The following STXBP5L variants were observed in gnomAD, a reference collection of about 807,000 sequenced individuals.
The protein encoded by STXBP5L is syntaxin binding protein 5L.
A neutral mutation model predicts 144.5 loss-of-function variants in STXBP5L; 65 were observed. The observed-to-expected ratio is 0.45, with a 90% CI of 0.37 to 0.55. The LOEUF is 0.55. Among genes scored for constraint, STXBP5L ranks in the 20% least tolerant of loss-of-function variants. The pLI is 0.00. For missense variants in STXBP5L, 1,298 were observed against 1,405.5 expected (o/e 0.92, Z 1.22); for synonymous variants, 505 against 469.6 (o/e 1.08, Z -0.97).
intron 24 of STXBP5L, among the ~76,000 whole-genome samples, chr3:121,415,459 AG>A (rs1334946616): frequency 1.3e-5 from 2 of 152,156 alleles, no homozygotes; most frequent in East Asian, 3.9e-4. Flanking sequence ...ATACCACCAA[AG>A]CTGTCCTATT....
chr3:121,303,027 A>G (rs536405204), intron 19 of STXBP5L, among the ~76,000 whole-genome samples: 2 of 152,374 alleles, frequency 1.3e-5, no homozygotes, highest in East Asian at 3.8e-4. Context: ...CAAAATTGAT[A>G]AATGGGATCT....
At chr3:120,909,303 G>GTA (rs1708702585) in intron 1 of STXBP5L, 4 of 343,288 alleles carry the variant, frequency 1.2e-5, no homozygotes, top group Non-Finnish European at 1.6e-5. Context: ...TTACAGCTGG[G>GTA]GATACAGTCC....
At chr3:121,041,538 A>G (rs533467316) in intron 3 of STXBP5L, among the ~76,000 whole-genome samples, 162 bp from the exon 4 acceptor site, 62 of 152,254 alleles carry the variant, frequency 4.1e-4, no homozygotes, top group Admixed American at 2.1e-3. Context: ...CATCTGAGGT[A>G]TACAATTTAA....
chr3:121,092,700 A>T (rs7646234), intron 5 of STXBP5L, among the ~76,000 whole-genome samples: 15,056 of 152,000 alleles, frequency 0.099, 1,160 homozygotes, highest in Admixed American at 0.2. Flanking sequence ...CTAGATACAC[A>T]ATCATGTCAT....
chr3:120,966,622 C>T (rs1939612154), intron 3 of STXBP5L, among the ~76,000 whole-genome samples: 1 of 152,168 alleles, frequency 6.6e-6, no homozygotes, highest in Non-Finnish European at 1.5e-5. Flanking sequence ...GGCTGCAGAA[C>T]AGCAAATATT....
intron 19 of STXBP5L, among the ~76,000 whole-genome samples, chr3:121,301,492 CAG>C (rs887446574): frequency 3.2e-4 from 49 of 152,314 alleles, no homozygotes; most frequent in Non-Finnish European, 6.9e-4. Flanking sequence ...CGTCTGCAAA[CAG>C]GGGCAATTTG....
At chr3:121,030,529 C>T (rs535645919) in intron 3 of STXBP5L, among the ~76,000 whole-genome samples, 93 of 151,992 alleles carry the variant, frequency 6.1e-4, no homozygotes, top group Middle Eastern at 3.4e-3. Flanking sequence ...GGGCATGTTG[C>T]GGGGTGTGGG....
In STXBP5L at chr3:121,355,170, G is replaced by T. The variant is rs148167393; in HGVS notation, c.2177-23546G>T. Among the ~76,000 whole-genome samples, 461 of 152,122 alleles carry T rather than the reference G, an allele frequency of 3.0e-3. 3 individuals are homozygous for T. Among genetic ancestry groups the T allele is most frequent in the African/African-American group, 0.01 (430 of 41,492 alleles). On this transcript the variant is annotated intron_variant, in intron 20 of 26. Transcript: ENST00000471454. ...GAATCTGACAATTATGTTCCTTGGG[G>T]TTGCTCTTCTCAAGGAGTATCTTTG...
intron 18 of STXBP5L, among the ~76,000 whole-genome samples, chr3:121,271,782 C>A (rs1375606052): frequency 6.6e-6 from 1 of 152,114 alleles, no homozygotes; most frequent in Non-Finnish European, 1.5e-5. Context: ...AAAGACATGT[C>A]TGAGATTGGG....
At chr3:121,051,253 A>T (rs1349198583) in intron 5 of STXBP5L, among the ~76,000 whole-genome samples, 2 of 152,046 alleles carry the variant, frequency 1.3e-5, no homozygotes, top group East Asian at 1.9e-4. Context: ...CATCTACAGA[A>T]CTCTCCACCC....
intron 3 of STXBP5L, among the ~76,000 whole-genome samples, chr3:121,034,522 CATCTATCT>C (rs527562574): frequency 5.9e-5 from 9 of 151,626 alleles, no homozygotes; most frequent in South Asian, 2.1e-4. Context: ...GTACCTATAT[CATCTATCT>C]ATCTATCTAT....
chr3:121,180,668 G>A lies in STXBP5L; in HGVS notation c.877+23041G>A, dbSNP rs551930563. Reference sequence around the variant, plus strand: ...GGCAGGTGGATCACTTGAGTTCAGCGGTTCAAGACCAGCCTGACCAACATG... The same window carrying A: ...GGCAGGTGGATCACTTGAGTTCAGCAGTTCAAGACCAGCCTGACCAACATG... On this transcript the variant is annotated intron_variant, in intron 9 of 26. Transcript: ENST00000471454. 5.9e-5 allele frequency among the ~76,000 whole-genome samples: 9 copies of A among 152,168 alleles called. No homozygotes were observed. In the East Asian group the frequency reaches 7.8e-4, roughly 13 times the overall value.
intron 20 of STXBP5L, among the ~76,000 whole-genome samples, chr3:121,337,915 C>T (rs2044564433): frequency 6.6e-6 from 1 of 152,078 alleles, no homozygotes; most frequent in Admixed American, 6.6e-5. Flanking sequence ...ACACTCAAAA[C>T]TATACAAATG....
intron 7 of STXBP5L, among the ~76,000 whole-genome samples, chr3:121,125,834 C>A (rs2044678406): frequency 6.6e-6 from 1 of 152,164 alleles, no homozygotes. Flanking sequence ...TCAAATGACA[C>A]AATTCTGAAG....
At chr3:121,031,513 A>C (rs1946369969) in intron 3 of STXBP5L, among the ~76,000 whole-genome samples, 4 of 152,064 alleles carry the variant, frequency 2.6e-5, no homozygotes, top group Admixed American at 2.0e-4. Context: ...AGACCCAGGG[A>C]TGATTGATGT....
Position 121,378,728 on chromosome 3 carries a change from G to C in STXBP5L, c.2189G>C (p.Gly730Ala), listed in dbSNP as rs1576321184. Residue 730 changes from glycine to alanine, a missense_variant, in exon 21 of 27, where the codon GGA (glycine) becomes GCA (alanine). Physicochemically the swap from Gly to Ala is moderately conservative, Grantham distance 60 (BLOSUM62 0). Transcript: ENST00000471454. ...CKSPTSDHVN[G>A]HCTSPTSQSC... ...CCTCTTGGCACAGACCATGTAAATG[G>C]ACACTGCACAAGTCCAACTTCTCAG... is the stretch of plus-strand genomic sequence containing the variant. The C allele has an allele frequency of 6.2e-7, 1 of 1,613,296 alleles. No individual in the cohort carries two copies. Among genetic ancestry groups the C allele is most frequent in the African/African-American group, 1.3e-5 (1 of 74,980 alleles).
intron 20 of STXBP5L, among the ~76,000 whole-genome samples, chr3:121,375,578 G>T (rs921004683): frequency 2.0e-5 from 3 of 152,130 alleles, no homozygotes; most frequent in Admixed American, 6.5e-5. Context: ...CACCTACATT[G>T]CAGGATTGTT....
At chr3:121,412,509 T>C (rs544671336) in intron 23 of STXBP5L, among the ~76,000 whole-genome samples, 5 of 151,964 alleles carry the variant, frequency 3.3e-5, no homozygotes, top group Non-Finnish European at 7.4e-5. Context: ...TAATACTGAA[T>C]CTGTTTCCCT....
chr3:121,025,207 C>T (rs1419123342), intron 3 of STXBP5L, among the ~76,000 whole-genome samples: 1 of 151,942 alleles, frequency 6.6e-6, no homozygotes, highest in Admixed American at 6.6e-5. Context: ...TTTAAGCCTC[C>T]CCTATTTTTG....
Sources: gnomAD v4.1 joint callset for allele counts (sites outside exome capture counted in the v4.1 genomes callset) on GRCh38, gnomAD v4.1.1 for gene constraint, MANE v1.5 for transcripts, NCBI Gene and HGNC (gene_info 2026-07-23, HGNC 2026-07-21) for gene names.